The following FRMD8 variants were observed in gnomAD, a reference collection of about 807,000 sequenced individuals.
The protein encoded by FRMD8 is FERM domain containing 8, also known as FERM domain-containing protein 8.
A neutral mutation model predicts 54.2 loss-of-function variants in FRMD8; 37 were observed. That is an observed-to-expected ratio of 0.68 (90% confidence interval 0.53 to 0.90). The LOEUF (loss-of-function observed/expected upper bound fraction) is 0.90, where lower values mean the gene tolerates loss of function less well. FRMD8 is among the 40% of genes least tolerant of loss of function. The pLI is 0.00. For missense variants in FRMD8, 585 were observed against 653.7 expected, an observed-to-expected ratio of 0.89 and a Z score of 1.15; for synonymous variants, 246 against 286.9, an observed-to-expected ratio of 0.86 and a Z score of 1.44.
intron 10 of FRMD8, among the ~76,000 whole-genome samples, chr11:65,410,587 G>A (rs1366692491): frequency 1.3e-5 from 2 of 152,088 alleles, no homozygotes; most frequent in Non-Finnish European, 2.9e-5. Context: ...TCAGGAGATC[G>A]AGACCATCTT....
intron 7 of FRMD8, 99 bp downstream of exon 7, chr11:65,397,119 C>G: frequency 1.5e-6 from 1 of 656,116 alleles, no homozygotes; most frequent in Non-Finnish European, 2.4e-6. Context: ...TCCAGCTGAG[C>G]TGTGTCCCCA....
chr11:65,403,634 C>T (rs1046959954), intron 9 of FRMD8, among the ~76,000 whole-genome samples: 3 of 152,154 alleles, frequency 2.0e-5, no homozygotes, highest in Non-Finnish European at 4.4e-5. Flanking sequence ...GCGTCCCTGA[C>T]GCACCTGGCC....
chr11:65,405,335 G>C (rs1275717549), intron 10 of FRMD8, among the ~76,000 whole-genome samples: 34 of 152,212 alleles, frequency 2.2e-4, no homozygotes, highest in Admixed American at 2.2e-3. Context: ...CTGAAGTGTT[G>C]GGTAGGTGGG....
chr11:65,410,883 C>T (rs1856315288), intron 10 of FRMD8, among the ~76,000 whole-genome samples: 2 of 152,190 alleles, frequency 1.3e-5, no homozygotes, highest in Non-Finnish European at 2.9e-5. Context: ...CCCGGTATTG[C>T]CATTATTAGC....
the FRMD8 span, chr11:65,376,182 G>T: frequency 1.7e-6 from 1 of 599,240 alleles, no homozygotes; most frequent in Admixed American, 3.0e-5. Context: ...ACAGATGTGG[G>T]AGGCAAAGGA....
the FRMD8 span, chr11:65,380,348 C>T: frequency 2.0e-6 from 2 of 1,012,534 alleles, no homozygotes; most frequent in Admixed American, 2.3e-5. Flanking sequence ...CCTGCCACCC[C>T]CTCCACACAG....
Position 65,411,229 on chromosome 11 carries a change from C to A in FRMD8, c.1277-13C>A, listed in dbSNP as rs1448566722. 1 of 1,598,450 alleles carries A rather than the reference C, an allele frequency of 6.3e-7. No homozygotes were observed. The highest frequency in any genetic ancestry group is 1.1e-5 in the South Asian group (1 of 89,616). On this transcript the variant is annotated splice_polypyrimidine_tract_variant and intron_variant, in intron 10 of 10. Transcript: ENST00000317568. Reference sequence around the variant, plus strand: ...AGCGCCTCTGCTCAGTGTGCCCTCCCATTCCCTCGCAGGCAAGGGGATCAG... The same window carrying A: ...AGCGCCTCTGCTCAGTGTGCCCTCCAATTCCCTCGCAGGCAAGGGGATCAG...
At chr11:65,408,737 G>A (rs759883281) in intron 10 of FRMD8, among the ~76,000 whole-genome samples, 19 of 151,806 alleles carry the variant, frequency 1.3e-4, no homozygotes, top group Non-Finnish European at 2.4e-4. Context: ...AGTCTCCTGA[G>A]TAGGTGGGAC....
chr11:65,379,185 T>C, the FRMD8 span: 1 of 632,282 alleles, frequency 1.6e-6, no homozygotes, highest in Non-Finnish European at 2.7e-6. Context: ...TGTCTCTGCC[T>C]TTTGCCCCCT....
At chr11:65,405,788 C>T (rs1251078000) in intron 10 of FRMD8, among the ~76,000 whole-genome samples, 2 of 152,030 alleles carry the variant, frequency 1.3e-5, no homozygotes, top group African/African-American at 4.8e-5. Flanking sequence ...ATCACTTGAG[C>T]CCAGGAGCTC....
chr11:65,410,513 G>A (rs1297966866), intron 10 of FRMD8, among the ~76,000 whole-genome samples: 11 of 144,312 alleles, frequency 7.6e-5, no homozygotes, highest in African/African-American at 1.3e-4. Context: ...ACAAAAGGCC[G>A]GGCGCAGTGG....
In FRMD8 at chr11:65,399,722, A is replaced by C. The variant is rs773120049; in HGVS notation, c.804-14A>C. ...CTGGTGCTGGCCGGAGGCTGACCCC[A>C]GTCCCCTCCCCAGGTGTGCCTTCTT... On this transcript the variant is annotated splice_polypyrimidine_tract_variant and intron_variant, in intron 7 of 10. Coordinates refer to ENST00000317568, the MANE Select transcript of FRMD8 (RefSeq NM_031904.5). 52 of 1,613,426 alleles carry C rather than the reference A, an allele frequency of 3.2e-5. No individual in the cohort carries two copies. Among genetic ancestry groups the C allele is most frequent in the Non-Finnish European group, 3.7e-5 (44 of 1,179,706 alleles).
rs147585775 is a variant in FRMD8 at position 65,399,838 on chromosome 11, C to T, written c.906C>T (p.His302=). The change falls in exon 8 of 11, where the codon CAC becomes CAT. Residue 302 remains histidine, a synonymous_variant. Transcript: ENST00000317568. ...TGGCCATCAGTCTGGAAGGCGTGCACGTCATCGATAGCAGAGAGAAGGTAC... is the reference window on the plus strand; with the variant it reads ...TGGCCATCAGTCTGGAAGGCGTGCATGTCATCGATAGCAGAGAGAAGGTAC... The part of the protein sequence containing the change: ...VSVAISLEGV[H]VIDSREKHVL... 1.7e-5 allele frequency: 27 copies of T among 1,613,634 alleles called. No individual in the cohort carries two copies. Among genetic ancestry groups the T allele is most frequent in the Middle Eastern group, 1.6e-4 (1 of 6,080 alleles).
In FRMD8 at chr11:65,404,915, G is replaced by T. The variant is rs1856158807; in HGVS notation, c.1123G>T (p.Ala375Ser). The change falls in exon 10 of 11, where the codon GCG becomes TCG. Residue 375 changes from alanine to serine, a missense_variant. Physicochemically the swap from Ala to Ser is moderately conservative, Grantham distance 99 (BLOSUM62 1). Transcript: ENST00000317568. The surrounding 1 kb of genome is among the most constrained non-coding windows in gnomAD (Gnocchi z 4.7). ...GTACTGCATCGAACTGAGCCAGGCG[G>T]CGGAGCCCGCAGGCCCCCAGGACAG... Reference protein sequence around the residue: ...IEYCIELSQAAEPAGPQDSAT... With the variant: ...IEYCIELSQASEPAGPQDSAT... The T allele has an allele frequency of 6.2e-7, 1 of 1,613,172 alleles. No homozygotes were observed. The highest frequency in any genetic ancestry group is 8.5e-7 in the Non-Finnish European group (1 of 1,180,032).
rs554434620 is a variant in FRMD8, at chr11:65,393,968, C to T, written c.356-73C>T. On this transcript the variant is annotated intron_variant, in intron 4 of 10. Coordinates refer to ENST00000317568, the MANE Select transcript of FRMD8 (RefSeq NM_031904.5). ...TGGTGGGTGAGGTTGGTGGCCAGGG[C>T]CTGGGCCAATCGGGAGAGGGGAGGG... 15 of 1,527,968 alleles carry T rather than the reference C, an allele frequency of 9.8e-6. No homozygotes were observed. The South Asian group carries it at 1.0e-4, about 10-fold the overall frequency. 94.7% of individuals were successfully genotyped at this position (1,527,968 alleles called of 1,614,324 possible). A position where few individuals can be genotyped will look rare whatever the true frequency, so the allele number is the denominator to read the frequency against.
At position 65,397,040 on chromosome 11, in the gene FRMD8, G is replaced by A. The variant is rs369326580; in HGVS notation, c.803+20G>A. The A allele has an allele frequency of 3.7e-5, 50 of 1,348,266 alleles. No individual in the cohort carries two copies. The highest frequency in any genetic ancestry group is 4.2e-5 in the Non-Finnish European group (43 of 1,012,924). The allele number at this position is 1,348,266 out of a possible 1,614,324, so 83.5% of individuals were successfully genotyped here. A position where few individuals can be genotyped will look rare whatever the true frequency, so the allele number is the denominator to read the frequency against. On this transcript the variant is annotated intron_variant, in intron 7 of 10. Transcript: ENST00000317568. ...TTATGGGTAAGAGCCACAGCCCCGCGGTCCCCCACCCCCTCCGCAGGCTGT... is the reference window on the plus strand; with the variant it reads ...TTATGGGTAAGAGCCACAGCCCCGCAGTCCCCCACCCCCTCCGCAGGCTGT...
At chr11:65,396,667 CT>C in intron 6 of FRMD8, 131 bp from the exon 7 acceptor site, 1 of 561,594 alleles carries the variant, frequency 1.8e-6, no homozygotes, top group Non-Finnish European at 3.0e-6. Flanking sequence ...CCCTTGTGGG[CT>C]CCTTACCCAG....
the FRMD8 span, chr11:65,375,077 G>A: frequency 6.6e-6 from 1 of 152,246 alleles, no homozygotes; most frequent in South Asian, 2.1e-4. Context: ...AGGTGACCTC[G>A]AGAAGGGTCA....
chr11:65,368,991 G>A, the FRMD8 span, among the ~76,000 whole-genome samples: 1 of 152,112 alleles, frequency 6.6e-6, no homozygotes, highest in Non-Finnish European at 1.5e-5. Flanking sequence ...ATGATGAAGG[G>A]GGACAGTGTG....
Sources: gnomAD v4.1 joint callset for allele counts (sites outside exome capture counted in the v4.1 genomes callset) on GRCh38, gnomAD v4.1.1 for gene constraint, Gnocchi (gnomAD v3.1) non-coding constraint, MANE v1.5 for transcripts, NCBI Gene and HGNC (gene_info 2026-07-23, HGNC 2026-07-21) for gene names.